KIZ: variants seen among roughly 807,000 people sequenced by gnomAD.
KIZ encodes centrosomal protein kizuna.
Under a neutral mutation model 79.6 loss-of-function variants are expected in KIZ, and 68 were observed. That is an observed-to-expected ratio of 0.85 (90% confidence interval 0.70 to 1.05). The LOEUF (loss-of-function observed/expected upper bound fraction) is 1.05. Among genes scored for constraint, KIZ ranks in the 50% least tolerant of loss-of-function variants. KIZ has a pLI of 0.00. For synonymous variants in KIZ, 280 were observed against 281.8 expected (o/e 0.99, Z 0.06); for missense variants, 797 against 800.4 (o/e 1.00, Z 0.05).
intron 9 of KIZ, among the ~76,000 whole-genome samples, chr20:21,223,342 C>T (rs1048036255): frequency 6.6e-6 from 1 of 152,178 alleles, no homozygotes; most frequent in Non-Finnish European, 1.5e-5. Context: ...TGAGTTGCCC[C>T]ATAGAAGTTA....
Position 21,166,432 on chromosome 20 carries a change from G to A in KIZ, c.1352+3273G>A, listed in dbSNP as rs186387327. The stretch of plus-strand genomic sequence containing the variant: ...TTCACAACAATTTCCCAGCTCTGTG[G>A]TCATCAATGATTTCAAATTCGCCAG... On this transcript the variant is annotated intron_variant, in intron 6 of 12. Transcript: ENST00000619189. The A allele has an allele frequency of 3.8e-3, 6,099 of 1,592,240 alleles. 16 individuals are homozygous for A. Among genetic ancestry groups the A allele is most frequent in the Non-Finnish European group, 4.8e-3 (5,618 of 1,167,848 alleles).
intron 6 of KIZ, among the ~76,000 whole-genome samples, chr20:21,201,295 G>T (rs1006657615): frequency 4.6e-5 from 7 of 152,172 alleles, no homozygotes; most frequent in Admixed American, 2.0e-4. Flanking sequence ...TAGAGAAATT[G>T]ATTTAAAAAT....
At chr20:21,245,694 T>C (rs2037365582) in intron 12 of KIZ, 1 of 152,280 alleles carries the variant, frequency 6.6e-6, no homozygotes, top group Non-Finnish European at 1.5e-5. Context: ...CAGCTGTGTC[T>C]CTCTGCCTGA....
At chr20:21,219,180 C>G (rs547661300) in intron 9 of KIZ, among the ~76,000 whole-genome samples, 49,072 of 152,038 alleles carry the variant, frequency 0.32, 8,015 homozygotes, top group East Asian at 0.42. Context: ...TGCCATATAC[C>G]AGGTAGAATA....
chr20:21,194,435 TAA>T (rs1358876868), intron 6 of KIZ: 1 of 152,238 alleles, frequency 6.6e-6, no homozygotes, highest in African/African-American at 2.4e-5. Flanking sequence ...ACATAGTCTT[TAA>T]TATTTAATTC....
At chr20:21,151,478 G>A (rs1198272685) in intron 4 of KIZ, 2 of 152,050 alleles carry the variant, frequency 1.3e-5, no homozygotes, top group Non-Finnish European at 2.9e-5. Context: ...AGTGGAATGA[G>A]GGGGAAGAGA....
At chr20:21,192,279 A>ATT (rs1260846529) in intron 6 of KIZ, among the ~76,000 whole-genome samples, 1,868 of 90,948 alleles carry the variant, frequency 0.021, 32 homozygotes, top group Non-Finnish European at 0.028. Context: ...TCATTTCTGG[A>ATT]TTTTTTTTTT....
At chr20:21,214,234 T>A (rs1303573472) in intron 7 of KIZ, among the ~76,000 whole-genome samples, 1 of 152,140 alleles carries the variant, frequency 6.6e-6, no homozygotes, top group Admixed American at 6.6e-5. Flanking sequence ...CTGCCCAGAT[T>A]AACAGAGGTG....
chr20:21,186,910 A>G (rs1309148773), intron 6 of KIZ, among the ~76,000 whole-genome samples: 1 of 151,954 alleles, frequency 6.6e-6, no homozygotes, highest in Non-Finnish European at 1.5e-5. Flanking sequence ...TCCTCTTAGC[A>G]GCTTCTTAGA....
chr20:21,209,125 A>G (rs78139643), intron 7 of KIZ, among the ~76,000 whole-genome samples: 5,495 of 152,292 alleles, frequency 0.036, 298 homozygotes, highest in African/African-American at 0.12. Context: ...TTTCCCTGTG[A>G]GTCCCTGTGC....
At chr20:21,204,394 T>G (rs1422267126) in intron 6 of KIZ, among the ~76,000 whole-genome samples, 5 of 152,102 alleles carry the variant, frequency 3.3e-5, no homozygotes, top group Non-Finnish European at 7.4e-5. Context: ...GATTCATCTA[T>G]GTTGTAGTAT....
At position 21,186,141 on chromosome 20, in the gene KIZ, C is replaced by A. The variant is rs540807913; in HGVS notation, c.1353-19350C>A. ...TTATTGTTTACTAGTAAAAAATGTT[C>A]TAATTTATGTGATAAATGGAATATA... On this transcript the variant is annotated intron_variant, in intron 6 of 12. Transcript: ENST00000619189. Among the ~76,000 whole-genome samples, 36 of 152,102 alleles carry A rather than the reference C, an allele frequency of 2.4e-4. No homozygotes were observed. The East Asian group carries it at 6.6e-3, about 28-fold the overall frequency.
chr20:21,151,100 T>C (rs985648941), intron 4 of KIZ: 6 of 152,246 alleles, frequency 3.9e-5, no homozygotes, highest in Non-Finnish European at 8.8e-5. Context: ...AGAACTATTT[T>C]AATACCCATT....
chr20:21,206,844 G>T (rs1407091304), intron 7 of KIZ, among the ~76,000 whole-genome samples: 1 of 152,126 alleles, frequency 6.6e-6, no homozygotes, highest in East Asian at 1.9e-4. Context: ...TGCCAAGAGA[G>T]AATTCGAAGA....
chr20:21,244,612 A>G (rs1600638930), intron 12 of KIZ: 3 of 295,504 alleles, frequency 1.0e-5, no homozygotes, highest in Non-Finnish European at 1.2e-5. Context: ...CTCTCTCCTC[A>G]TCCTCAGAAG....
intron 6 of KIZ, among the ~76,000 whole-genome samples, 189 bp downstream of exon 6, chr20:21,163,348 C>T (rs2033785931): frequency 6.6e-6 from 1 of 152,062 alleles, no homozygotes; most frequent in South Asian, 2.1e-4. Context: ...TTCCTTCCTC[C>T]CTTCCTTCTT....
chr20:21,229,902 A>T (rs1167415596), intron 10 of KIZ, among the ~76,000 whole-genome samples: 1 of 152,156 alleles, frequency 6.6e-6, no homozygotes, highest in East Asian at 1.9e-4. Flanking sequence ...AAGCTTAATT[A>T]TAGTTCCTTC....
chr20:21,131,874 C>T (rs1327666413), intron 1 of KIZ: 10 of 351,624 alleles, frequency 2.8e-5, no homozygotes, highest in Non-Finnish European at 4.7e-5. Flanking sequence ...ATTTCCCTGG[C>T]GACTGCTGCA....
chr20:21,171,909 G>C (rs1460963044), intron 6 of KIZ, among the ~76,000 whole-genome samples: 1 of 152,206 alleles, frequency 6.6e-6, no homozygotes, highest in African/African-American at 2.4e-5. Flanking sequence ...CCAGTCCATA[G>C]TCCTTGCTGA....
Sources: allele counts gnomAD v4.1 joint callset (sites outside exome capture counted in the v4.1 genomes callset), GRCh38; gene constraint gnomAD v4.1.1; transcripts MANE v1.5; gene names NCBI Gene and HGNC (gene_info 2026-07-23, HGNC 2026-07-21).